The following SGPL1 variants were observed in gnomAD, a reference collection of about 807,000 sequenced individuals.
SGPL1 encodes the protein sphingosine-1-phosphate lyase 1, also known as SP-lyase 1.
In SGPL1, 37 loss-of-function variants were observed where a neutral mutation model predicts 68.9. The observed-to-expected ratio is 0.54, with a 90% CI of 0.41 to 0.71. SGPL1 has a LOEUF of 0.71. SGPL1 is among the 30% of genes least tolerant of loss of function. SGPL1 has a pLI of 0.00. For missense variants in SGPL1, 551 were observed against 704.6 expected, an observed-to-expected ratio of 0.78 and a Z score of 2.47; for synonymous variants, 236 against 248.5, an observed-to-expected ratio of 0.95 and a Z score of 0.47.
intron 7 of SGPL1, among the ~76,000 whole-genome samples, chr10:70,863,219 T>C (rs1283018979): frequency 1.3e-5 from 2 of 151,576 alleles, no homozygotes; most frequent in African/African-American, 4.8e-5. Context: ...ACTCCCAAGC[T>C]GAAGTGATCT....
intron 2 of SGPL1, among the ~76,000 whole-genome samples, chr10:70,833,429 G>C (rs1241731076): frequency 6.6e-6 from 1 of 152,140 alleles, no homozygotes. Context: ...AGTCACTACT[G>C]GTTGCTTGGA....
chr10:70,844,513 C>G lies in SGPL1; in HGVS notation c.68C>G (p.Ser23Cys), dbSNP rs1333186046. 3 of 1,613,870 alleles carry G rather than the reference C, an allele frequency of 1.9e-6. No individual in the cohort carries two copies. The Admixed American group carries it at 5.0e-5, about 27-fold the overall frequency. The change falls in exon 3 of 15, where the codon TCC becomes TGC. Residue 23 changes from serine (S) to cysteine (C), a missense_variant. Transcript: ENST00000373202. Reference protein sequence around the residue: ...EPYLEILEVYSTKAKNYVNGH... With the variant: ...EPYLEILEVYCTKAKNYVNGH... ...TACTTAGAGATTTTGGAAGTATACT[C>G]CACAAAAGCCAAGAATTATGTAAAT...
Position 70,856,913 on chromosome 10 carries a change from T to C in SGPL1, c.410-701T>C, listed in dbSNP as rs17610859. 9.1e-3 allele frequency among the ~76,000 whole-genome samples: 1,383 copies of C among 152,354 alleles called. 13 individuals carry two copies. Among genetic ancestry groups the C allele is most frequent in the Non-Finnish European group, 0.014 (974 of 68,036 alleles). On this transcript the variant is annotated intron_variant, in intron 5 of 14. Coordinates refer to ENST00000373202, the MANE Select transcript of SGPL1 (RefSeq NM_003901.4). ...GAGGAAAGTGGAAAGTCAGATCTTA[T>C]ATTCTACTCAGGAACTTTACTTTTC...
chr10:70,859,603 A>T, intron 7 of SGPL1, 104 bp downstream of exon 7: 4 of 496,884 alleles, frequency 8.1e-6, no homozygotes, highest in Non-Finnish European at 1.1e-5. Context: ...AATATTAAAA[A>T]TATTTTACTA....
intron 2 of SGPL1, among the ~76,000 whole-genome samples, chr10:70,822,761 A>T (rs1395369847): frequency 1.3e-5 from 2 of 151,806 alleles, no homozygotes; most frequent in African/African-American, 4.8e-5. Flanking sequence ...GAAACATCTA[A>T]GGGCTAGCTA....
chr10:70,825,223 C>T (rs1300147497), intron 2 of SGPL1, among the ~76,000 whole-genome samples: 1 of 152,152 alleles, frequency 6.6e-6, no homozygotes, highest in Non-Finnish European at 1.5e-5. Flanking sequence ...GGAAAGGCAT[C>T]AAGGGGAATA....
At position 70,854,627 on chromosome 10, in the gene SGPL1, A is replaced by G. The variant is rs529749179; in HGVS notation, c.262-81A>G. ...ACTTGTGCGGTGCCTAGCATTGAGC[A>G]GTTGCTTGACTGTCATAATAATTCT... On this transcript the variant is annotated intron_variant, in intron 4 of 14. Coordinates refer to ENST00000373202, the MANE Select transcript of SGPL1 (RefSeq NM_003901.4). 2.5e-5 allele frequency: 30 copies of G among 1,204,052 alleles called. No homozygotes were observed. In the East Asian group the frequency reaches 6.9e-4, roughly 28 times the overall value. The allele number at this position is 1,204,052 out of a possible 1,614,324, so 74.6% of individuals were successfully genotyped here. A position where few individuals can be genotyped will look rare whatever the true frequency, so the allele number is the denominator to read the frequency against.
rs1662656021 is a variant in SGPL1, at chr10:70,860,239, AG to A, written c.615+741del. Reference sequence around the variant, plus strand: ...AACGAAATCTCAGGTTATGTAGGATAGATAGATTTAACTCAATATGCTGCAA... The same window carrying A: ...AACGAAATCTCAGGTTATGTAGGATAATAGATTTAACTCAATATGCTGCAA... On this transcript the variant is annotated intron_variant, in intron 7 of 14. Transcript: ENST00000373202. Among the ~76,000 whole-genome samples, 3 of 152,200 alleles carry A rather than the reference AG, an allele frequency of 2.0e-5. No individual in the cohort carries two copies. The South Asian group carries it at 6.2e-4, about 32-fold the overall frequency.
At chr10:70,862,276 G>A (rs188026795) in intron 7 of SGPL1, among the ~76,000 whole-genome samples, 6 of 152,240 alleles carry the variant, frequency 3.9e-5, no homozygotes, top group Admixed American at 2.0e-4. Context: ...TCGACACTCT[G>A]TATCTCGCTG....
chr10:70,826,538 T>G (rs902558310), intron 2 of SGPL1, among the ~76,000 whole-genome samples: 1 of 152,300 alleles, frequency 6.6e-6, no homozygotes, highest in South Asian at 2.1e-4. Flanking sequence ...TGCAGAAGAG[T>G]ATAGAAAGCA....
chr10:70,832,109 C>T (rs1011398988), intron 2 of SGPL1, among the ~76,000 whole-genome samples: 14 of 152,188 alleles, frequency 9.2e-5, no homozygotes, highest in African/African-American at 3.4e-4. Flanking sequence ...CTTTCCTGCT[C>T]ACTTTCAATA....
chr10:70,876,449 G>T, intron 13 of SGPL1, 92 bp from the exon 14 acceptor site: 1 of 1,195,980 alleles, frequency 8.4e-7, no homozygotes, highest in Non-Finnish European at 1.2e-6. Context: ...TTGTGAAAGG[G>T]CAACCAGGAA....
intron 8 of SGPL1, among the ~76,000 whole-genome samples, chr10:70,868,801 C>T (rs1846240642): frequency 6.6e-6 from 1 of 152,140 alleles, no homozygotes; most frequent in South Asian, 2.1e-4. Context: ...TTTAGTTCTG[C>T]TTACCTTAGA....
chr10:70,869,940 C>G (rs759614952), intron 9 of SGPL1, 43 bp downstream of exon 9: 90 of 1,493,882 alleles, frequency 6.0e-5, no homozygotes, highest in Non-Finnish European at 8.0e-5. Context: ...TGGGCCCTGA[C>G]AGCAGAAGGG....
At chr10:70,858,430 A>C (rs535529563) in intron 6 of SGPL1, among the ~76,000 whole-genome samples, 96 of 152,084 alleles carry the variant, frequency 6.3e-4, no homozygotes, top group Non-Finnish European at 1.1e-3. Flanking sequence ...GAACCACTGC[A>C]CTCGGCCCTC....
chr10:70,844,325 G>A, intron 2 of SGPL1, 148 bp from the exon 3 acceptor site: 1 of 639,746 alleles, frequency 1.6e-6, no homozygotes, highest in Non-Finnish European at 2.6e-6. Flanking sequence ...AGCCTTGAGG[G>A]CTGTAGATGA....
Position 70,859,434 on chromosome 10 carries a change from A to G in SGPL1, c.550A>G (p.Ile184Val). ...HPDIFPGLRK[I>V]EAEIVRIACS... ...AGATATCTTCCCAGGACTACGCAAGATAGAGGCAGAAATCGTGAGGATAGC... is the reference window on the plus strand; with the variant it reads ...AGATATCTTCCCAGGACTACGCAAGGTAGAGGCAGAAATCGTGAGGATAGC... Residue 184 changes from isoleucine to valine, a missense_variant, in exon 7 of 15, where the codon ATA becomes GTA. Transcript: ENST00000373202. The G allele has an allele frequency of 3.2e-6, 5 of 1,573,550 alleles. No homozygotes were observed. The highest frequency in any genetic ancestry group is 4.3e-6 in the Non-Finnish European group (5 of 1,160,128).
intron 2 of SGPL1, among the ~76,000 whole-genome samples, chr10:70,829,166 C>G (rs545736349): frequency 6.6e-6 from 1 of 152,274 alleles, no homozygotes; most frequent in South Asian, 2.1e-4. Context: ...CACAGGTTTA[C>G]GATCTGTAAA....
chr10:70,849,399 A>G (rs1481271968), intron 3 of SGPL1, among the ~76,000 whole-genome samples: 1 of 152,266 alleles, frequency 6.6e-6, no homozygotes, highest in Non-Finnish European at 1.5e-5. Flanking sequence ...CAGTTATTTT[A>G]CATTATACAG....
Sources: gnomAD v4.1 joint callset for allele counts (sites outside exome capture counted in the v4.1 genomes callset) on GRCh38, gnomAD v4.1.1 for gene constraint, MANE v1.5 for transcripts, NCBI Gene and HGNC (gene_info 2026-07-23, HGNC 2026-07-21) for gene names.